The following RALY variants were observed in gnomAD, a reference collection of about 807,000 sequenced individuals.
RALY encodes the protein RNA-binding protein Raly.
RALY carries 15 observed loss-of-function variants against 30.7 expected under a neutral mutation model. The ratio of observed to expected loss-of-function variants is 0.49; its 90% CI spans 0.33 to 0.75. The LOEUF is 0.75. Among genes scored for constraint, RALY ranks in the 30% least tolerant of loss-of-function variants. The pLI is 0.02. For synonymous variants in RALY, 177 were observed against 170.8 expected, an observed-to-expected ratio of 1.04 and a Z score of -0.28; for missense variants, 339 against 414.3, an observed-to-expected ratio of 0.82 and a Z score of 1.58.
At chr20:34,015,939 T>C (rs770963480) in intron 1 of RALY, among the ~76,000 whole-genome samples, 9 of 152,032 alleles carry the variant, frequency 5.9e-5, no homozygotes, top group Admixed American at 1.3e-4. Flanking sequence ...CTATTCCTCC[T>C]CCTCCCGTAT....
intron 2 of RALY, among the ~76,000 whole-genome samples, chr20:34,052,805 A>G (rs1379926134): frequency 3.3e-5 from 5 of 152,188 alleles, no homozygotes; most frequent in Non-Finnish European, 7.3e-5. Context: ...TCCAGCTCCT[A>G]CTAAGAACTA....
At chr20:33,995,226 G>A (rs1277762402) in intron 1 of RALY, among the ~76,000 whole-genome samples, 4 of 152,108 alleles carry the variant, frequency 2.6e-5, no homozygotes, top group African/African-American at 9.7e-5. Context: ...CTAGTGTTGC[G>A]GCAGTTAGAA....
chr20:34,013,038 A>G (rs906249533), intron 1 of RALY, among the ~76,000 whole-genome samples: 5 of 152,220 alleles, frequency 3.3e-5, no homozygotes, highest in Non-Finnish European at 5.9e-5. Flanking sequence ...TAAAGTATTC[A>G]ATAAATTATG....
chr20:33,993,970 G>A lies in RALY; in HGVS notation c.-254G>A, dbSNP rs1025933399. ...CGGGGCAGCGGAACCCAGAGAAGCT[G>A]AGGGGGCGGTAGCGGCGGCGACGGC... On this transcript the variant is annotated 5_prime_UTR_variant, in exon 1 of 10. Transcript: ENST00000246194. 1 of 152,088 alleles carries A rather than the reference G, an allele frequency of 6.6e-6. No individual in the cohort carries two copies. Among genetic ancestry groups the A allele is most frequent in the Non-Finnish European group, 1.5e-5 (1 of 68,008 alleles). The allele number at this position is 152,088 out of a possible 1,614,324, so 9.4% of individuals were successfully genotyped here.
chr20:34,008,833 A>G (rs923063525), intron 1 of RALY, among the ~76,000 whole-genome samples: 1 of 151,908 alleles, frequency 6.6e-6, no homozygotes, highest in Non-Finnish European at 1.5e-5. Flanking sequence ...TGTTTTTTAA[A>G]TTTTTTTGTA....
chr20:34,062,379 T>C (rs1011040106), intron 2 of RALY, among the ~76,000 whole-genome samples: 2 of 152,264 alleles, frequency 1.3e-5, no homozygotes, highest in African/African-American at 4.8e-5. Flanking sequence ...CTGCCTGTCA[T>C]AAGCAGTCTT....
At chr20:34,021,304 A>G (rs915911341) in intron 1 of RALY, among the ~76,000 whole-genome samples, 3 of 152,290 alleles carry the variant, frequency 2.0e-5, no homozygotes, top group Middle Eastern at 6.8e-3. Flanking sequence ...CTGTAACAGA[A>G]TACCATAGAC....
intron 2 of RALY, among the ~76,000 whole-genome samples, chr20:34,067,018 C>T (rs1320639169): frequency 1.3e-5 from 2 of 152,122 alleles, no homozygotes; most frequent in Non-Finnish European, 2.9e-5. Context: ...CAATCTTGCC[C>T]CTGCAGGTGC....
At position 34,015,335 on chromosome 20, in the gene RALY, C is replaced by CT. The variant is rs73621672; in HGVS notation, c.-92-16178dup. On this transcript the variant is annotated intron_variant, in intron 1 of 9. Coordinates refer to ENST00000246194, the MANE Select transcript of RALY (RefSeq NM_016732.3). ...TTTTGTTTCTTCTCAATATTTCCCCCTTTTTTTTTAAATCTCCCCCTTTCT... is the reference window on the plus strand; with the variant it reads ...TTTTGTTTCTTCTCAATATTTCCCCCTTTTTTTTTTAAATCTCCCCCTTTCT... 4.2e-4 allele frequency among the ~76,000 whole-genome samples: 64 copies of CT among 150,998 alleles called. No individual in the cohort carries two copies. In the East Asian group the frequency reaches 8.1e-3, roughly 19 times the overall value.
Position 34,038,804 on chromosome 20 carries a change from C to T in RALY, c.-10+7200C>T, listed in dbSNP as rs535003852. Reference sequence around the variant, plus strand: ...CATATACAAAATGGGAATAATAATGCCTACTTTATATAGTGATTGTGTTGC... The same window carrying T: ...CATATACAAAATGGGAATAATAATGTCTACTTTATATAGTGATTGTGTTGC... On this transcript the variant is annotated intron_variant, in intron 2 of 9. Coordinates refer to ENST00000246194, the MANE Select transcript of RALY (RefSeq NM_016732.3). Among the ~76,000 whole-genome samples, 341 of 152,226 alleles carry T rather than the reference C, an allele frequency of 2.2e-3. 3 individuals carry two copies. The highest frequency in any genetic ancestry group is 3.8e-3 in the Non-Finnish European group (259 of 68,016).
chr20:34,010,084 A>G (rs1163650113), intron 1 of RALY, among the ~76,000 whole-genome samples: 1 of 152,192 alleles, frequency 6.6e-6, no homozygotes, highest in African/African-American at 2.4e-5. Context: ...CAAACTAGTC[A>G]AGGCTCAGTG....
In RALY at chr20:34,076,763, T is replaced by A. The variant is rs2033890886; in HGVS notation, c.606T>A (p.Asp202Glu). The A allele has an allele frequency of 6.2e-7, 1 of 1,613,952 alleles. No individual in the cohort carries two copies. Among genetic ancestry groups the A allele is most frequent in the Non-Finnish European group, 8.5e-7 (1 of 1,180,008 alleles). The part of the protein sequence containing the change: ...TELTQIKSNI[D>E]ALLSRLEQIA... ...TGACACAGATCAAGTCCAATATCGA[T>A]GCCCTGCTGAGCCGCTTGGAGCAGA... Residue 202 changes from aspartate to glutamate, a missense_variant, in exon 7 of 10, where the codon GAT becomes GAA. Coordinates refer to ENST00000246194, the MANE Select transcript of RALY (RefSeq NM_016732.3).
intron 2 of RALY, among the ~76,000 whole-genome samples, chr20:34,063,396 A>G (rs1255434765): frequency 6.6e-6 from 1 of 152,228 alleles, no homozygotes; most frequent in Admixed American, 6.5e-5. Context: ...TTAGAATCAG[A>G]CAAGCCCTTG....
At chr20:34,078,724 A>G (rs893743220) in intron 9 of RALY, among the ~76,000 whole-genome samples, 171 bp downstream of exon 9, 2 of 152,098 alleles carry the variant, frequency 1.3e-5, no homozygotes, top group African/African-American at 4.8e-5. Flanking sequence ...ACACCCCTTC[A>G]TGCTTGGGGC....
chr20:34,000,351 A>G (rs1173303224), intron 1 of RALY, among the ~76,000 whole-genome samples: 5 of 151,824 alleles, frequency 3.3e-5, no homozygotes, highest in Admixed American at 6.6e-5. Flanking sequence ...GAAATTCTAT[A>G]AAGGCCCAAA....
At position 34,082,914 on chromosome 20, in the gene RALY, G is replaced by C. The variant is rs1352679026; in HGVS notation, c.*3009G>C. On this transcript the variant is annotated 3_prime_UTR_variant, in exon 10 of 10. Coordinates refer to ENST00000246194, the MANE Select transcript of RALY (RefSeq NM_016732.3). The stretch of plus-strand genomic sequence containing the variant: ...TGTTTTCAGATTGAAAGCCTCATTT[G>C]TGATCCTCACAGCCATCTTGAAAGA... 6.6e-6 allele frequency: 1 copy of C among 152,234 alleles called. No individual in the cohort carries two copies. The highest frequency in any genetic ancestry group is 1.5e-5 in the Non-Finnish European group (1 of 68,048). 9.4% of individuals were successfully genotyped at this position (152,234 alleles called of 1,614,324 possible). A position where few individuals can be genotyped will look rare whatever the true frequency, so the allele number is the denominator to read the frequency against.
At chr20:34,006,170 T>A (rs1601402813) in intron 1 of RALY, among the ~76,000 whole-genome samples, 1 of 152,182 alleles carries the variant, frequency 6.6e-6, no homozygotes, top group East Asian at 1.9e-4. Context: ...ATACACAAAA[T>A]CGAATAGGTT....
chr20:34,018,532 A>G (rs1010382957), intron 1 of RALY, among the ~76,000 whole-genome samples: 5 of 152,216 alleles, frequency 3.3e-5, no homozygotes, highest in Non-Finnish European at 7.3e-5. Context: ...ATGAAATTAC[A>G]TTTTTAACTC....
chr20:34,031,011 C>T (rs188972126), intron 1 of RALY, among the ~76,000 whole-genome samples: 189 of 150,512 alleles, frequency 1.3e-3, no homozygotes, highest in African/African-American at 4.5e-3. Context: ...GCTTCCCTTC[C>T]CTCCCTCTCC....
Sources: allele counts gnomAD v4.1 joint callset (sites outside exome capture counted in the v4.1 genomes callset), GRCh38; gene constraint gnomAD v4.1.1; transcripts MANE v1.5; gene names NCBI Gene and HGNC (gene_info 2026-07-23, HGNC 2026-07-21).